Variants in UBL3 observed in about 807,000 individuals in gnomAD.
UBL3 encodes ubiquitin like 3.
In UBL3, 6 loss-of-function variants were observed where a neutral mutation model predicts 18.4. That is an observed-to-expected ratio of 0.33 (90% CI 0.18 to 0.64). The LOEUF (loss-of-function observed/expected upper bound fraction) is 0.64, where lower values mean the gene tolerates loss of function less well. Ranked by LOEUF, UBL3 falls within the 30% of genes least tolerant of loss-of-function variation. UBL3 has a pLI of 0.76. For synonymous variants in UBL3, 49 were observed against 46.6 expected, an observed-to-expected ratio of 1.05 and a Z score of -0.21; for missense variants, 109 against 142.9, an observed-to-expected ratio of 0.76 and a Z score of 1.21.
intron 1 of UBL3, among the ~76,000 whole-genome samples, chr13:29,838,448 T>C (rs1879015022): frequency 1.3e-5 from 2 of 152,206 alleles, no homozygotes; most frequent in South Asian, 4.1e-4. Context: ...TTATTACCAC[T>C]GTTATAATTA....
At chr13:29,837,008 T>C (rs1878975933) in intron 1 of UBL3, among the ~76,000 whole-genome samples, 1 of 152,220 alleles carries the variant, frequency 6.6e-6, no homozygotes, top group African/African-American at 2.4e-5. Flanking sequence ...AGTCCACCAA[T>C]AGTGAGGCTA....
rs530830253 is a variant in UBL3, at chr13:29,849,704, G to A, written c.-166C>T. 1 of 869,510 alleles carries A rather than the reference G, an allele frequency of 1.2e-6. No individual in the cohort carries two copies. The highest frequency in any genetic ancestry group is 1.7e-5 in the African/African-American group (1 of 59,504). 53.9% of individuals were successfully genotyped at this position (869,510 alleles called of 1,614,324 possible). On this transcript the variant is annotated 5_prime_UTR_variant, in exon 1 of 5. Transcript: ENST00000380680. ...GAGCCAAAGTGCCGGTCAGGCCGAG[G>A]TTCTGGTTCGAAGAGGAACAATCCC...
intron 1 of UBL3, among the ~76,000 whole-genome samples, chr13:29,799,028 T>TGAAC (rs1301267467): frequency 1.3e-5 from 2 of 152,242 alleles, no homozygotes; most frequent in African/African-American, 2.4e-5. Context: ...GCTCTGTTTC[T>TGAAC]GAACCCAAGA....
intron 1 of UBL3, among the ~76,000 whole-genome samples, chr13:29,798,032 T>A (rs34333613): frequency 0.15 from 22,005 of 150,238 alleles, 2,565 homozygotes; most frequent in African/African-American, 0.32. Context: ...AAATATATAT[T>A]TTTTTTTTGG....
At chr13:29,800,094 C>T in intron 1 of UBL3, among the ~76,000 whole-genome samples, 1 of 152,236 alleles carries the variant, frequency 6.6e-6, no homozygotes, top group African/African-American at 2.4e-5. Context: ...AATCCAATTG[C>T]TGAACAGTAA....
At chr13:29,845,494 C>A (rs1278131697) in intron 1 of UBL3, among the ~76,000 whole-genome samples, 1 of 151,954 alleles carries the variant, frequency 6.6e-6, no homozygotes, top group Non-Finnish European at 1.5e-5. Context: ...GTATACTTTT[C>A]TATTTTCTGG....
At chr13:29,789,740 A>C (rs1710192413) in intron 1 of UBL3, among the ~76,000 whole-genome samples, 1 of 152,248 alleles carries the variant, frequency 6.6e-6, no homozygotes, top group Admixed American at 6.5e-5. Context: ...TGTAGAAACA[A>C]AATTTTACTT....
chr13:29,816,109 TAAG>T (rs962781666), intron 1 of UBL3, among the ~76,000 whole-genome samples: 1 of 152,154 alleles, frequency 6.6e-6, no homozygotes, highest in African/African-American at 2.4e-5. Context: ...AGGATCTGAC[TAAG>T]AAGAAATAAT....
At chr13:29,834,154 GC>G (rs1468716229) in intron 1 of UBL3, among the ~76,000 whole-genome samples, 1 of 149,438 alleles carries the variant, frequency 6.7e-6, no homozygotes, top group East Asian at 2.0e-4. Context: ...GTGCACTCCA[GC>G]CTGGGTGACA....
At chr13:29,823,392 T>G (rs1878526692) in intron 1 of UBL3, among the ~76,000 whole-genome samples, 1 of 152,156 alleles carries the variant, frequency 6.6e-6, no homozygotes, top group African/African-American at 2.4e-5. Context: ...CCGCCCGCCT[T>G]CGGCCTCCCA....
intron 1 of UBL3, among the ~76,000 whole-genome samples, chr13:29,833,381 G>A (rs1463979037): frequency 4.0e-5 from 6 of 150,692 alleles, no homozygotes; most frequent in Non-Finnish European, 5.9e-5. Context: ...TAGGACACTG[G>A]CACCCAAAAA....
chr13:29,782,082 C>G (rs1454679955), intron 1 of UBL3, among the ~76,000 whole-genome samples: 3 of 152,058 alleles, frequency 2.0e-5, no homozygotes, highest in Middle Eastern at 3.4e-3. Flanking sequence ...TATAGAAATA[C>G]AACATTTAAA....
intron 1 of UBL3, among the ~76,000 whole-genome samples, chr13:29,832,329 A>C (rs989545007): frequency 1.4e-5 from 2 of 140,798 alleles, no homozygotes; most frequent in African/African-American, 5.6e-5. Flanking sequence ...CTTTTACCTA[A>C]TTTCTTTTTT....
intron 1 of UBL3, among the ~76,000 whole-genome samples, chr13:29,835,881 T>C (rs1013170643): frequency 3.3e-5 from 5 of 150,620 alleles, no homozygotes; most frequent in South Asian, 2.1e-4. Flanking sequence ...AATTAAAGCA[T>C]AGCAAATCAA....
At position 29,835,129 on chromosome 13, in the gene UBL3, T is replaced by TAAATATAA. The variant is rs1156741342; in HGVS notation, c.27+14382_27+14383insTTATATTT. Among the ~76,000 whole-genome samples, 7 of 3,884 alleles carry TAAATATAA rather than the reference T, an allele frequency of 1.8e-3. 1 individual carries two copies. Among genetic ancestry groups the TAAATATAA allele is most frequent in the African/African-American group, 4.9e-3 (4 of 812 alleles). The allele number at this position is 3,884 out of a possible 152,430, so 2.5% of individuals were successfully genotyped here. On this transcript the variant is annotated intron_variant, in intron 1 of 4. Coordinates refer to ENST00000380680, the MANE Select transcript of UBL3 (RefSeq NM_007106.4). ...ATAAATATATATATATATATAAATA[T>TAAATATAA]ATATATATATATATATATATATATA...
chr13:29,827,503 C>T (rs1878653740), intron 1 of UBL3, among the ~76,000 whole-genome samples: 3 of 152,102 alleles, frequency 2.0e-5, no homozygotes, highest in African/African-American at 7.2e-5. Flanking sequence ...GATTGCAACC[C>T]CTGCATTTTT....
chr13:29,837,036 C>G (rs1400068114), intron 1 of UBL3, among the ~76,000 whole-genome samples: 5 of 152,160 alleles, frequency 3.3e-5, no homozygotes, highest in Admixed American at 2.6e-4. Context: ...TTCCTGACTG[C>G]CCTGAATTCA....
chr13:29,845,795 T>C (rs1274038326), intron 1 of UBL3, among the ~76,000 whole-genome samples: 2 of 152,158 alleles, frequency 1.3e-5, no homozygotes, highest in Non-Finnish European at 2.9e-5. Context: ...TTGTTAAAGA[T>C]ACGGGGCTTT....
At chr13:29,817,909 C>T (rs1342357611) in intron 1 of UBL3, among the ~76,000 whole-genome samples, 1 of 152,134 alleles carries the variant, frequency 6.6e-6, no homozygotes, top group South Asian at 2.1e-4. Flanking sequence ...TAAACTTTTG[C>T]TTTTATCATT....
Sources: gnomAD v4.1 joint callset for allele counts (sites outside exome capture counted in the v4.1 genomes callset) on GRCh38, gnomAD v4.1.1 for gene constraint, MANE v1.5 for transcripts, NCBI Gene and HGNC (gene_info 2026-07-23, HGNC 2026-07-21) for gene names.